Variants in NEK10 observed in about 807,000 individuals in gnomAD.
The protein encoded by NEK10 is serine/threonine-protein kinase Nek10.
NEK10 carries 122 observed loss-of-function variants against 159.8 expected under a neutral mutation model. The observed-to-expected ratio is 0.76, with a 90% CI of 0.66 to 0.89. The LOEUF is 0.89. Ranked by LOEUF, NEK10 falls within the 40% of genes least tolerant of loss-of-function variation. The pLI is 0.00. For missense variants in NEK10, 1,342 were observed against 1,323.1 expected, an observed-to-expected ratio of 1.01 and a Z score of -0.22; for synonymous variants, 466 against 457.1, an observed-to-expected ratio of 1.02 and a Z score of -0.25.
chr3:27,345,954 A>AT, intron 4 of NEK10, 132 bp downstream of exon 4: 11 of 754,738 alleles, frequency 1.5e-5, no homozygotes, highest in Non-Finnish European at 2.2e-5. Context: ...CTAACTGAAA[A>AT]TATTAAATTA....
chr3:27,274,379 G>T (rs556601422), intron 22 of NEK10, among the ~76,000 whole-genome samples: 51 of 152,266 alleles, frequency 3.3e-4, no homozygotes, highest in African/African-American at 1.2e-3. Context: ...TCTAAGATGT[G>T]TATCAACAGA....
intron 5 of NEK10, among the ~76,000 whole-genome samples, chr3:27,330,281 T>G (rs777539949): frequency 1.3e-4 from 20 of 152,326 alleles, no homozygotes; most frequent in Middle Eastern, 3.4e-3. Context: ...ATCATTTGCT[T>G]GAGGACTACA....
In NEK10 at chr3:27,108,691, T is replaced by A. The variant is rs966852148; in HGVS notation, c.*2581A>T. ...ATGCAATCAAGAAAAGATTAAGAGG[T>A]CTATGAAGTTCATGTAACAACTCCT... is the stretch of plus-strand genomic sequence containing the variant. On this transcript the variant is annotated 3_prime_UTR_variant, in exon 36 of 36. Coordinates refer to ENST00000691995, the MANE Select transcript of NEK10 (RefSeq NM_001394966.1). 6.6e-6 allele frequency among the ~76,000 whole-genome samples: 1 copy of A among 151,184 alleles called. No homozygotes were observed. Among genetic ancestry groups the A allele is most frequent in the African/African-American group, 2.4e-5 (1 of 41,086 alleles).
chr3:27,261,085 T>A (rs1043925135), intron 22 of NEK10, among the ~76,000 whole-genome samples: 1 of 152,226 alleles, frequency 6.6e-6, no homozygotes, highest in Non-Finnish European at 1.5e-5. Flanking sequence ...TATCATTTTT[T>A]ATTGCGTCTA....
chr3:27,143,134 T>C (rs2125587917), intron 30 of NEK10, among the ~76,000 whole-genome samples: 1 of 152,326 alleles, frequency 6.6e-6, no homozygotes, highest in East Asian at 1.9e-4. Flanking sequence ...ACATGCCATA[T>C]TTTCTACAGT....
At chr3:27,317,841 T>C (rs542102026) in intron 6 of NEK10, among the ~76,000 whole-genome samples, 71 of 151,706 alleles carry the variant, frequency 4.7e-4, no homozygotes, top group African/African-American at 1.4e-3. Flanking sequence ...CTCCCTCTGT[T>C]GCCCAGGCTG....
At chr3:27,327,003 T>TGCAA (rs2046052084) in intron 5 of NEK10, among the ~76,000 whole-genome samples, 1 of 152,202 alleles carries the variant, frequency 6.6e-6, no homozygotes, top group Non-Finnish European at 1.5e-5. Flanking sequence ...CACAGCTTAG[T>TGCAA]GCAACTGGAG....
chr3:27,198,262 C>A (rs1949730494), intron 25 of NEK10, among the ~76,000 whole-genome samples: 1 of 151,118 alleles, frequency 6.6e-6, no homozygotes, highest in Non-Finnish European at 1.5e-5. Flanking sequence ...ATTCTTCACA[C>A]CACTAAAAAA....
At chr3:27,124,394 C>T (rs537247174) in intron 32 of NEK10, among the ~76,000 whole-genome samples, 31 of 152,154 alleles carry the variant, frequency 2.0e-4, no homozygotes, top group Non-Finnish European at 3.7e-4. Context: ...TCTTATTTAA[C>T]AATAGTAGTA....
intron 1 of NEK10, among the ~76,000 whole-genome samples, chr3:27,359,037 A>T (rs559928682): frequency 1.3e-5 from 2 of 152,256 alleles, no homozygotes; most frequent in African/African-American, 2.4e-5. Context: ...CACCGTCTCT[A>T]CTAAAAACAC....
chr3:27,195,131 A>C (rs1210475519), intron 25 of NEK10, among the ~76,000 whole-genome samples: 3 of 152,224 alleles, frequency 2.0e-5, no homozygotes, highest in African/African-American at 7.2e-5. Context: ...AGGAAAGAAG[A>C]TATATATGAT....
rs541802662 is a variant in NEK10 at position 27,291,797 on chromosome 3, C to G, written c.1374-211G>C. Among the ~76,000 whole-genome samples the G allele has an allele frequency of 8.2e-3, 1,253 of 152,092 alleles. 19 individuals carry two copies. The highest frequency in any genetic ancestry group is 0.028 in the African/African-American group (1,155 of 41,410). ...AGCTGGGACTACAGGTGCCTGCCAC[C>G]ATGCCCGGCTAATTTTTTGTATTTT... On this transcript the variant is annotated intron_variant, in intron 16 of 35. Coordinates refer to ENST00000691995, the MANE Select transcript of NEK10 (RefSeq NM_001394966.1).
intron 13 of NEK10, among the ~76,000 whole-genome samples, chr3:27,300,024 G>A (rs951209775): frequency 1.3e-4 from 20 of 152,306 alleles, no homozygotes; most frequent in African/African-American, 4.8e-4. Flanking sequence ...GACTTTGGGG[G>A]ACTGTTGGGA....
intron 23 of NEK10, among the ~76,000 whole-genome samples, chr3:27,230,339 G>A (rs769618555): frequency 4.6e-5 from 7 of 151,940 alleles, no homozygotes; most frequent in Admixed American, 6.6e-5. Flanking sequence ...TTGCCACTAC[G>A]AAACTAGCAC....
chr3:27,162,225 G>A (rs962464543), intron 30 of NEK10: 20 of 593,962 alleles, frequency 3.4e-5, no homozygotes, highest in African/African-American at 5.6e-5. Flanking sequence ...TTCCCGCCAC[G>A]GCAGAAATGC....
intron 5 of NEK10, among the ~76,000 whole-genome samples, chr3:27,338,891 T>G (rs949669438): frequency 8.5e-5 from 13 of 152,126 alleles, no homozygotes; most frequent in Admixed American, 8.5e-4. Flanking sequence ...AGGCAAAGAT[T>G]TTATGGCTAA....
intron 33 of NEK10, among the ~76,000 whole-genome samples, 187 bp from the exon 34 acceptor site, chr3:27,116,314 A>G (rs1038483982): frequency 2.0e-5 from 3 of 152,170 alleles, no homozygotes; most frequent in Non-Finnish European, 2.9e-5. Context: ...TCCTTTCTTT[A>G]ATAACTGACT....
At chr3:27,336,518 C>T (rs1416126491) in intron 5 of NEK10, among the ~76,000 whole-genome samples, 1 of 151,984 alleles carries the variant, frequency 6.6e-6, no homozygotes, top group Admixed American at 6.6e-5. Flanking sequence ...ACCCTAATAA[C>T]AAAACAAGAC....
chr3:27,270,129 C>G (rs1339620095), intron 22 of NEK10, among the ~76,000 whole-genome samples: 1 of 152,146 alleles, frequency 6.6e-6, no homozygotes, highest in East Asian at 1.9e-4. Flanking sequence ...GATGTTACTT[C>G]CAAGGTTCGG....
Sources: gnomAD v4.1 joint callset for allele counts (sites outside exome capture counted in the v4.1 genomes callset) on GRCh38, gnomAD v4.1.1 for gene constraint, MANE v1.5 for transcripts, NCBI Gene and HGNC (gene_info 2026-07-23, HGNC 2026-07-21) for gene names.